Variants in NKAIN2 observed in about 807,000 individuals in gnomAD.
The protein encoded by NKAIN2 is sodium/potassium transporting ATPase interacting 2, also known as sodium/potassium-transporting ATPase subunit beta-1-interacting protein 2.
NKAIN2 carries 14 observed loss-of-function variants against 32.6 expected under a neutral mutation model. The observed-to-expected ratio is 0.43, with a 90% CI of 0.28 to 0.67. NKAIN2 has a LOEUF of 0.67. Among genes scored for constraint, NKAIN2 ranks in the 30% least tolerant of loss-of-function variants. The probability of loss-of-function intolerance (pLI) is 0.17; values close to 1 mark genes in which losing one functional copy is unlikely to be tolerated. For synonymous variants in NKAIN2, 80 were observed against 87.2 expected (o/e 0.92, Z 0.46); for missense variants, 198 against 258.3 (o/e 0.77, Z 1.60).
At chr6:124,728,494 G>A (rs1201012430) in intron 4 of NKAIN2, among the ~76,000 whole-genome samples, 1 of 112,108 alleles carries the variant, frequency 8.9e-6, no homozygotes, top group Non-Finnish European at 1.8e-5. Context: ...AAATAAAGAT[G>A]TTCTTTGAAA....
intron 1 of NKAIN2, among the ~76,000 whole-genome samples, chr6:124,121,285 G>C (rs1279593238): frequency 6.6e-6 from 1 of 152,026 alleles, no homozygotes; most frequent in African/African-American, 2.4e-5. Context: ...GCAATGATCT[G>C]TAAGTTGTAA....
At chr6:124,796,355 G>C (rs1490558894) in intron 5 of NKAIN2, among the ~76,000 whole-genome samples, 1 of 151,954 alleles carries the variant, frequency 6.6e-6, no homozygotes, top group East Asian at 1.9e-4. Context: ...CTCTTCAAAG[G>C]GCCAATTTCC....
intron 3 of NKAIN2, among the ~76,000 whole-genome samples, chr6:124,557,884 T>C (rs556785727): frequency 6.6e-6 from 1 of 152,328 alleles, no homozygotes; most frequent in Non-Finnish European, 1.5e-5. Context: ...AAGTGACTCA[T>C]TCAGATGAAA....
intron 3 of NKAIN2, among the ~76,000 whole-genome samples, chr6:124,391,717 T>C (rs1773150482): frequency 6.6e-6 from 1 of 152,182 alleles, no homozygotes; most frequent in Non-Finnish European, 1.5e-5. Flanking sequence ...TCCCAGAGGA[T>C]GTTCAAAGAC....
chr6:123,998,203 A>G (rs2114705393), intron 1 of NKAIN2, among the ~76,000 whole-genome samples: 1 of 152,318 alleles, frequency 6.6e-6, no homozygotes, highest in East Asian at 1.9e-4. Flanking sequence ...TTTTGGGATA[A>G]ACATATTTAA....
chr6:124,167,805 G>A (rs965436682), intron 1 of NKAIN2, among the ~76,000 whole-genome samples: 2 of 152,032 alleles, frequency 1.3e-5, no homozygotes, highest in Admixed American at 6.6e-5. Context: ...GGTTCTGTTT[G>A]TATGCTGGAT....
chr6:124,312,597 C>A (rs74487515), intron 2 of NKAIN2, among the ~76,000 whole-genome samples: 1 of 152,080 alleles, frequency 6.6e-6, no homozygotes, highest in Non-Finnish European at 1.5e-5. Flanking sequence ...TCGGTGCCCT[C>A]GCTGAGTGTG....
At chr6:124,346,771 G>A (rs1164173372) in intron 2 of NKAIN2, among the ~76,000 whole-genome samples, 3 of 151,874 alleles carry the variant, frequency 2.0e-5, no homozygotes, top group East Asian at 1.9e-4. Flanking sequence ...ACAATGATGG[G>A]TCTTGACTCT....
intron 1 of NKAIN2, among the ~76,000 whole-genome samples, chr6:123,982,653 G>A (rs1229150845): frequency 6.6e-6 from 1 of 152,080 alleles, no homozygotes; most frequent in Non-Finnish European, 1.5e-5. Context: ...TATAAATAAT[G>A]AGAGGCATTA....
In NKAIN2 at chr6:124,219,125, G is replaced by C. The variant is rs1380666321; in HGVS notation, c.55-63880G>C. On this transcript the variant is annotated intron_variant, in intron 1 of 6. Transcript: ENST00000368417. Reference sequence around the variant, plus strand: ...TCAAGAGGATTACAATTTAAGGTGAGATTTGGGTGGGGACACAGAGCCAAA... The same window carrying C: ...TCAAGAGGATTACAATTTAAGGTGACATTTGGGTGGGGACACAGAGCCAAA... 2.0e-5 allele frequency among the ~76,000 whole-genome samples: 3 copies of C among 152,238 alleles called. No individual in the cohort carries two copies. The East Asian group carries it at 5.8e-4, about 29-fold the overall frequency.
At chr6:123,813,486 A>G (rs555663238) in intron 1 of NKAIN2, among the ~76,000 whole-genome samples, 1 of 152,160 alleles carries the variant, frequency 6.6e-6, no homozygotes, top group African/African-American at 2.4e-5. Context: ...GGGAACTGTT[A>G]TAGAATTACA....
At chr6:123,934,501 A>C (rs774599404) in intron 1 of NKAIN2, among the ~76,000 whole-genome samples, 28 of 152,098 alleles carry the variant, frequency 1.8e-4, no homozygotes, top group Non-Finnish European at 3.5e-4. Flanking sequence ...TATTTTATGC[A>C]CATTATTCTG....
intron 1 of NKAIN2, among the ~76,000 whole-genome samples, chr6:123,850,123 A>G (rs1303076305): frequency 6.6e-6 from 1 of 151,364 alleles, no homozygotes; most frequent in Non-Finnish European, 1.5e-5. Flanking sequence ...TTTTCTTTAA[A>G]TGTTTCTAAC....
chr6:124,243,674 T>A (rs1793231835), intron 1 of NKAIN2, among the ~76,000 whole-genome samples: 1 of 152,096 alleles, frequency 6.6e-6, no homozygotes, highest in South Asian at 2.1e-4. Flanking sequence ...TGTGGAAAAC[T>A]GTATGATTCC....
chr6:123,805,045 C>G (rs949776567), intron 1 of NKAIN2, among the ~76,000 whole-genome samples: 1 of 152,028 alleles, frequency 6.6e-6, no homozygotes, highest in Non-Finnish European at 1.5e-5. Context: ...GGGCAAGGAA[C>G]CAATAATGGA....
intron 1 of NKAIN2, among the ~76,000 whole-genome samples, chr6:124,133,425 C>A (rs1413438796): frequency 1.3e-5 from 2 of 152,080 alleles, no homozygotes; most frequent in Admixed American, 1.3e-4. Context: ...CTGATAGAAC[C>A]TCAGCACATC....
intron 3 of NKAIN2, among the ~76,000 whole-genome samples, chr6:124,452,826 G>A (rs1362707232): frequency 6.6e-6 from 1 of 152,110 alleles, no homozygotes; most frequent in Non-Finnish European, 1.5e-5. Context: ...AATTGCGTAT[G>A]TAAATTCGGG....
intron 3 of NKAIN2, among the ~76,000 whole-genome samples, chr6:124,439,500 G>T (rs1775601981): frequency 6.6e-6 from 1 of 151,744 alleles, no homozygotes; most frequent in Non-Finnish European, 1.5e-5. Context: ...ATCGTATGAT[G>T]TCAGGCTTTT....
intron 1 of NKAIN2, among the ~76,000 whole-genome samples, chr6:123,859,805 T>C (rs9482475): frequency 0.67 from 102,542 of 152,130 alleles, 34,655 homozygotes; most frequent in East Asian, 0.75. Context: ...ATTCCCCTAC[T>C]TCAGTCTCCT....
Sources: allele counts gnomAD v4.1 joint callset (sites outside exome capture counted in the v4.1 genomes callset), GRCh38; gene constraint gnomAD v4.1.1; transcripts MANE v1.5; gene names NCBI Gene and HGNC (gene_info 2026-07-23, HGNC 2026-07-21).